SHISA9: variants seen among roughly 807,000 people sequenced by gnomAD.
The protein encoded by SHISA9 is protein shisa-9.
A neutral mutation model predicts 38.0 loss-of-function variants in SHISA9; 13 were observed. That is an observed-to-expected ratio of 0.34 (90% CI 0.22 to 0.54). The LOEUF is 0.54. SHISA9 is among the 20% of genes least tolerant of loss of function. The pLI is 0.91. For missense variants in SHISA9, 538 were observed against 575.8 expected, an observed-to-expected ratio of 0.93 and a Z score of 0.67; for synonymous variants, 275 against 242.0, an observed-to-expected ratio of 1.14 and a Z score of -1.27.
At chr16:13,301,227 G>A in the SHISA9 span, among the ~76,000 whole-genome samples, 14 of 152,168 alleles carry the variant, frequency 9.2e-5, no homozygotes, top group African/African-American at 3.4e-4. Flanking sequence ...GCCCCCAGAG[G>A]AGAAAAGGTT....
chr16:13,093,259 G>A (rs979809843), intron 2 of SHISA9, among the ~76,000 whole-genome samples: 4 of 152,128 alleles, frequency 2.6e-5, no homozygotes, highest in African/African-American at 4.8e-5. Flanking sequence ...AACTTCTATC[G>A]TAGATCCTGC....
intron 1 of SHISA9, chr16:12,911,177 G>C (rs1457227900): frequency 3.6e-5 from 31 of 862,946 alleles, no homozygotes; most frequent in Non-Finnish European, 4.2e-5. Context: ...GGGAGCTTGG[G>C]CACGATCTCA....
chr16:13,148,689 G>GCA (rs3075124), intron 2 of SHISA9, among the ~76,000 whole-genome samples: 46,924 of 132,308 alleles, frequency 0.35, 7,877 homozygotes, highest in Middle Eastern at 0.52. Flanking sequence ...ACATACACAA[G>GCA]CACACACACA....
chr16:13,024,521 A>G (rs1479301448), intron 2 of SHISA9, among the ~76,000 whole-genome samples: 1 of 152,166 alleles, frequency 6.6e-6, no homozygotes, highest in Non-Finnish European at 1.5e-5. Context: ...GTATTAAAGG[A>G]TTTGGATTCC....
chr16:13,107,603 G>A (rs1188704629), intron 2 of SHISA9, among the ~76,000 whole-genome samples: 1 of 151,970 alleles, frequency 6.6e-6, no homozygotes, highest in Non-Finnish European at 1.5e-5. Flanking sequence ...CAGGGAAGAA[G>A]GCTCTTCAGG....
chr16:13,178,777 G>A (rs1310607016), intron 2 of SHISA9, among the ~76,000 whole-genome samples: 2 of 152,200 alleles, frequency 1.3e-5, no homozygotes, highest in African/African-American at 4.8e-5. Flanking sequence ...ATGGGGAGGT[G>A]TCTGGACATA....
chr16:13,248,411 G>A, the SHISA9 span, among the ~76,000 whole-genome samples: 1 of 152,206 alleles, frequency 6.6e-6, no homozygotes, highest in Admixed American at 6.5e-5. Context: ...ATGAACAATA[G>A]AAAGCAAGCA....
the SHISA9 span, among the ~76,000 whole-genome samples, chr16:13,420,540 AT>A: frequency 1.3e-5 from 2 of 152,160 alleles, no homozygotes; most frequent in African/African-American, 4.8e-5. Flanking sequence ...CAGACAGGTT[AT>A]AAAAGTGGGG....
the SHISA9 span, among the ~76,000 whole-genome samples, chr16:13,369,541 G>A: frequency 3.3e-5 from 5 of 152,006 alleles, no homozygotes; most frequent in African/African-American, 1.2e-4. Flanking sequence ...GACCCCAGAA[G>A]TAAGGTGAGC....
intron 2 of SHISA9, among the ~76,000 whole-genome samples, chr16:12,953,695 G>T (rs1459691823): frequency 6.6e-6 from 1 of 151,838 alleles, no homozygotes; most frequent in African/African-American, 2.4e-5. Flanking sequence ...GACAGTGGGG[G>T]AATATATTAA....
the SHISA9 span, among the ~76,000 whole-genome samples, chr16:13,424,468 A>G: frequency 1.3e-5 from 2 of 152,238 alleles, no homozygotes; most frequent in African/African-American, 2.4e-5. Context: ...CAGAAGGTCA[A>G]TGCCTGACTG....
intron 2 of SHISA9, among the ~76,000 whole-genome samples, chr16:12,956,626 G>A (rs981375411): frequency 3.3e-5 from 5 of 152,066 alleles, no homozygotes; most frequent in Admixed American, 6.6e-5. Flanking sequence ...ACTCAGAAAC[G>A]GAAAATCAAA....
At chr16:12,998,193 A>G (rs191934351) in intron 2 of SHISA9, among the ~76,000 whole-genome samples, 1 of 152,360 alleles carries the variant, frequency 6.6e-6, no homozygotes, top group Admixed American at 6.5e-5. Context: ...CTCTGATAGT[A>G]AGAGGAACAT....
chr16:13,446,785 T>C, the SHISA9 span, among the ~76,000 whole-genome samples: 4 of 152,010 alleles, frequency 2.6e-5, no homozygotes, highest in East Asian at 5.8e-4. Flanking sequence ...GAGACCAGCC[T>C]GGCCAACATG....
chr16:12,951,530 G>A (rs974194312), intron 2 of SHISA9, among the ~76,000 whole-genome samples: 2 of 152,134 alleles, frequency 1.3e-5, no homozygotes, highest in African/African-American at 2.4e-5. Context: ...CAGGTGTTGG[G>A]CTGGATTTGG....
the SHISA9 span, among the ~76,000 whole-genome samples, chr16:13,420,333 C>G: frequency 1.4e-5 from 2 of 146,882 alleles, no homozygotes; most frequent in African/African-American, 5.0e-5. Context: ...CTGTGCCAGT[C>G]AAGTGAAATC....
chr16:13,539,316 ATAAAGACAGG>A, the SHISA9 span, among the ~76,000 whole-genome samples: 11 of 84,628 alleles, frequency 1.3e-4, 1 homozygote, highest in South Asian at 4.3e-3. Flanking sequence ...ATATATATAT[ATAAAGACAGG>A]ATCTTTATAT....
the SHISA9 span, among the ~76,000 whole-genome samples, chr16:13,284,484 C>T: frequency 6.6e-6 from 1 of 152,162 alleles, no homozygotes; most frequent in African/African-American, 2.4e-5. Context: ...AAAATAGTGC[C>T]TGACACACAG....
At chr16:13,242,703 G>A (rs2051444060), downstream of SHISA9, among the ~76,000 whole-genome samples, 1 of 152,158 alleles carries the variant, frequency 6.6e-6, no homozygotes, top group Non-Finnish European at 1.5e-5. Context: ...GAAGGAGGAG[G>A]TTGCAGTTGA....
Sources: allele counts gnomAD v4.1 joint callset (sites outside exome capture counted in the v4.1 genomes callset), GRCh38; gene constraint gnomAD v4.1.1; transcripts MANE v1.5; gene names NCBI Gene and HGNC (gene_info 2026-07-23, HGNC 2026-07-21).